The following XYLT1 variants were observed in gnomAD, a reference collection of about 807,000 sequenced individuals.
The protein encoded by XYLT1 is xylosyltransferase 1, also known as beta-D-xylosyltransferase 1.
XYLT1 carries 36 observed loss-of-function variants against 91.3 expected under a neutral mutation model. The ratio of observed to expected loss-of-function variants is 0.39; its 90% CI spans 0.30 to 0.52. The LOEUF is 0.52. Ranked by LOEUF, XYLT1 falls within the 20% of genes least tolerant of loss-of-function variation. The pLI is 0.68. For missense variants in XYLT1, 1,242 were observed against 1,284.5 expected (o/e 0.97, Z 0.51); for synonymous variants, 588 against 532.0 (o/e 1.11, Z -1.45).
In XYLT1 at chr16:17,198,335, G is replaced by A; in HGVS notation, c.1166C>T (p.Ala389Val). The change falls in exon 5 of 12, where the codon GCC (alanine) becomes GTC (valine). Residue 389 changes from alanine (A) to valine (V), a missense_variant. By Grantham distance (64) the Ala-to-Val change is moderately conservative. Coordinates refer to ENST00000261381, the MANE Select transcript of XYLT1 (RefSeq NM_022166.4). ...SNVRVTPWRMATIWGGASLLS... is the reference protein window; with the variant it reads ...SNVRVTPWRMVTIWGGASLLS... ...GAGGCTGGCTCCTCCCCAGATGGTG[G>A]CCATTCTCCAGGGGGTGACGCGGAC... 1.2e-6 allele frequency: 2 copies of A among 1,614,210 alleles called. No individual in the cohort carries two copies. Among genetic ancestry groups the A allele is most frequent in the Non-Finnish European group, 1.7e-6 (2 of 1,180,022 alleles).
At chr16:17,286,274 G>C (rs2034139579) in intron 2 of XYLT1, among the ~76,000 whole-genome samples, 1 of 152,144 alleles carries the variant, frequency 6.6e-6, no homozygotes, top group African/African-American at 2.4e-5. Context: ...CAGAGACTGA[G>C]CAATATGTGG....
chr16:17,286,322 T>G (rs557075915), intron 2 of XYLT1, among the ~76,000 whole-genome samples: 1 of 152,218 alleles, frequency 6.6e-6, no homozygotes, highest in South Asian at 2.1e-4. Context: ...AGGTATGGAA[T>G]AAATAATCAT....
intron 3 of XYLT1, among the ~76,000 whole-genome samples, chr16:17,218,292 C>T (rs986858254): frequency 1.3e-5 from 2 of 151,574 alleles, no homozygotes; most frequent in Admixed American, 1.3e-4. Flanking sequence ...CAAACAACAA[C>T]AACAAGAACA....
At chr16:17,219,703 G>A (rs1253725463) in intron 3 of XYLT1, among the ~76,000 whole-genome samples, 1 of 152,126 alleles carries the variant, frequency 6.6e-6, no homozygotes, top group Non-Finnish European at 1.5e-5. Flanking sequence ...GTGCAGTGGT[G>A]CGATCTTGGC....
intron 11 of XYLT1, among the ~76,000 whole-genome samples, chr16:17,109,558 T>C (rs1282986172): frequency 1.3e-5 from 2 of 152,124 alleles, no homozygotes; most frequent in Non-Finnish European, 1.5e-5. Context: ...AAACAGGGTA[T>C]TGAGACAAGA....
At chr16:17,223,480 C>T (rs1373660726) in intron 3 of XYLT1, among the ~76,000 whole-genome samples, 1 of 152,238 alleles carries the variant, frequency 6.6e-6, no homozygotes, top group Non-Finnish European at 1.5e-5. Context: ...TGTGCTTTAG[C>T]CAATAAAATA....
intron 2 of XYLT1, among the ~76,000 whole-genome samples, chr16:17,353,672 T>C (rs59970160): frequency 6.6e-6 from 1 of 151,904 alleles, no homozygotes; most frequent in African/African-American, 2.4e-5. Flanking sequence ...TCTACCCATA[T>C]ATCTAAGTAC....
At chr16:17,455,777 C>T (rs928630548) in intron 1 of XYLT1, among the ~76,000 whole-genome samples, 5 of 152,120 alleles carry the variant, frequency 3.3e-5, no homozygotes, top group African/African-American at 1.2e-4. Context: ...CAATTACCAG[C>T]GACTCCTCGC....
chr16:17,393,778 ATTAT>A (rs1164446214), intron 1 of XYLT1, among the ~76,000 whole-genome samples: 1 of 151,242 alleles, frequency 6.6e-6, no homozygotes, highest in Non-Finnish European at 1.5e-5. Flanking sequence ...TATTATTATT[ATTAT>A]TATTATTTTT....
At chr16:17,255,121 A>G (rs2033611156) in intron 3 of XYLT1, among the ~76,000 whole-genome samples, 1 of 149,406 alleles carries the variant, frequency 6.7e-6, no homozygotes, top group African/African-American at 2.5e-5. Context: ...CTCAGCCTCT[A>G]GAGTAGCTGG....
At chr16:17,427,845 C>T (rs1165099396) in intron 1 of XYLT1, among the ~76,000 whole-genome samples, 3 of 150,196 alleles carry the variant, frequency 2.0e-5, no homozygotes, top group South Asian at 2.1e-4. Context: ...TTTTTTAAAA[C>T]GTTCACCTGT....
At chr16:17,314,418 A>G (rs1184484501) in intron 2 of XYLT1, among the ~76,000 whole-genome samples, 1 of 151,954 alleles carries the variant, frequency 6.6e-6, no homozygotes, top group Admixed American at 6.6e-5. Flanking sequence ...CCCTCTAGAA[A>G]CCACTAGATT....
At chr16:17,201,689 G>T (rs917984056) in intron 3 of XYLT1, among the ~76,000 whole-genome samples, 7 of 152,008 alleles carry the variant, frequency 4.6e-5, no homozygotes, top group Non-Finnish European at 1.5e-5. Flanking sequence ...TGGCCAGGCT[G>T]GTCTCGGAAC....
At chr16:17,396,574 T>TA (rs1177545790) in intron 1 of XYLT1, among the ~76,000 whole-genome samples, 4 of 152,204 alleles carry the variant, frequency 2.6e-5, no homozygotes, top group Admixed American at 1.3e-4. Context: ...GGGTAGTACA[T>TA]AAAAAAGCTA....
In XYLT1 at chr16:17,103,558, A is replaced by G. The variant is rs992030446; in HGVS notation, c.*5137T>C. On this transcript the variant is annotated 3_prime_UTR_variant, in exon 12 of 12. Coordinates refer to ENST00000261381, the MANE Select transcript of XYLT1 (RefSeq NM_022166.4). Reference sequence around the variant, plus strand: ...AGGATGGATGGTCAGCTTCCCAAAAATAATGTTAAGGCCACATTTCAAAAA... The same window carrying G: ...AGGATGGATGGTCAGCTTCCCAAAAGTAATGTTAAGGCCACATTTCAAAAA... 3 of 152,184 alleles carry G rather than the reference A, an allele frequency of 2.0e-5. No individual in the cohort carries two copies. The highest frequency in any genetic ancestry group is 6.5e-5 in the Admixed American group (1 of 15,284). 9.4% of individuals were successfully genotyped at this position (152,184 alleles called of 1,614,324 possible).
intron 1 of XYLT1, among the ~76,000 whole-genome samples, chr16:17,388,657 G>A (rs73525167): frequency 1.3e-5 from 2 of 152,196 alleles, no homozygotes; most frequent in Admixed American, 6.6e-5. Context: ...ATCACACTAC[G>A]GAGGGTGCTT....
intron 2 of XYLT1, among the ~76,000 whole-genome samples, chr16:17,309,114 C>T (rs758141624): frequency 2.6e-5 from 4 of 152,298 alleles, no homozygotes; most frequent in South Asian, 4.1e-4. Flanking sequence ...CTCAGAGACA[C>T]GCAAGGGTCT....
In XYLT1 at chr16:17,108,505, C is replaced by G; in HGVS notation, c.*190G>C. 1 of 566,314 alleles carries G rather than the reference C, an allele frequency of 1.8e-6. No individual in the cohort carries two copies. Among genetic ancestry groups the G allele is most frequent in the Non-Finnish European group, 3.0e-6 (1 of 332,666 alleles). The allele number at this position is 566,314 out of a possible 1,614,324, so 35.1% of individuals were successfully genotyped here. On this transcript the variant is annotated 3_prime_UTR_variant, in exon 12 of 12. Coordinates refer to ENST00000261381, the MANE Select transcript of XYLT1 (RefSeq NM_022166.4). Reference sequence around the variant, plus strand: ...AGGGACTGAGCCATCCCACCCGCAGCTTGCCAAAGGCAGGTTGTTGGCTGA... The same window carrying G: ...AGGGACTGAGCCATCCCACCCGCAGGTTGCCAAAGGCAGGTTGTTGGCTGA...
chr16:17,126,361 C>T (rs1431486341), intron 10 of XYLT1, among the ~76,000 whole-genome samples: 1 of 152,200 alleles, frequency 6.6e-6, no homozygotes, highest in Middle Eastern at 3.2e-3. Flanking sequence ...GCTGCTCAGG[C>T]CCCTAGCACA....
Sources: gnomAD v4.1 joint callset for allele counts (sites outside exome capture counted in the v4.1 genomes callset) on GRCh38, gnomAD v4.1.1 for gene constraint, MANE v1.5 for transcripts, NCBI Gene and HGNC (gene_info 2026-07-23, HGNC 2026-07-21) for gene names.